The following HPCAL1 variants were observed in gnomAD, a reference collection of about 807,000 sequenced individuals.
HPCAL1 encodes the protein hippocalcin like 1.
Under a neutral mutation model 17.1 loss-of-function variants are expected in HPCAL1, and 8 were observed. The ratio of observed to expected loss-of-function variants is 0.47; its 90% confidence interval spans 0.27 to 0.84. The LOEUF (loss-of-function observed/expected upper bound fraction) is 0.84. HPCAL1 is among the 40% of genes least tolerant of loss of function. The pLI is 0.13. For synonymous variants in HPCAL1, 112 were observed against 111.4 expected, an observed-to-expected ratio of 1.01 and a Z score of -0.03; for missense variants, 165 against 271.1, an observed-to-expected ratio of 0.61 and a Z score of 2.75.
At chr2:10,368,524 T>C (rs756657061) in intron 1 of HPCAL1, among the ~76,000 whole-genome samples, 2 of 152,224 alleles carry the variant, frequency 1.3e-5, no homozygotes, top group Non-Finnish European at 2.9e-5. Context: ...TTTGGGAGCC[T>C]TCTGACTCCC....
intron 4 of HPCAL1, chr2:10,424,214 C>T (rs1011101202): frequency 1.5e-4 from 48 of 322,492 alleles, no homozygotes; most frequent in Admixed American, 1.4e-3. Context: ...ATGGCCCCAG[C>T]GGGAGACGGG....
rs771220308 is a variant in HPCAL1 at position 10,312,322 on chromosome 2, TATC to T, written c.-111+9163_-111+9165del. On this transcript the variant is annotated intron_variant, in intron 1 of 4. Coordinates refer to ENST00000307845, the MANE Select transcript of HPCAL1 (RefSeq NM_002149.4). ...TCCATCACCATCATCATCATCATCATATCATCATCATCATCATCATATCATCCT... is the reference window on the plus strand; with the variant it reads ...TCCATCACCATCATCATCATCATCATATCATCATCATCATCATATCATCCT... Among the ~76,000 whole-genome samples, 27 of 14,062 alleles carry T rather than the reference TATC, an allele frequency of 1.9e-3. No individual in the cohort carries two copies. The South Asian group carries it at 0.067, about 35-fold the overall frequency. 9.2% of individuals were successfully genotyped at this position (14,062 alleles called of 152,430 possible).
chr2:10,326,510 G>T (rs1159885960), intron 1 of HPCAL1, among the ~76,000 whole-genome samples: 1 of 152,206 alleles, frequency 6.6e-6, no homozygotes, highest in Non-Finnish European at 1.5e-5. Flanking sequence ...GCCGCCTGGG[G>T]TGCGTGCTGG....
rs911647240 is a variant in HPCAL1 at position 10,359,379 on chromosome 2, C to G, written c.-110-37456C>G. On this transcript the variant is annotated intron_variant, in intron 1 of 4. Transcript: ENST00000307845. This position sits in a 1 kb window ranked among gnomAD's most constrained non-coding sequence, Gnocchi z 4.1. ...CTCTCACCTCTGTTTTCCCTTCTAGCCCCTGCAGGCAGGAGACTTCAACGC... is the reference window on the plus strand; with the variant it reads ...CTCTCACCTCTGTTTTCCCTTCTAGGCCCTGCAGGCAGGAGACTTCAACGC... 6.6e-6 allele frequency among the ~76,000 whole-genome samples: 1 copy of G among 152,184 alleles called. No individual in the cohort carries two copies. The highest frequency in any genetic ancestry group is 1.5e-5 in the Non-Finnish European group (1 of 68,036).
intron 1 of HPCAL1, among the ~76,000 whole-genome samples, chr2:10,328,568 T>C (rs534630949): frequency 3.3e-4 from 50 of 152,254 alleles, no homozygotes; most frequent in African/African-American, 1.2e-3. Flanking sequence ...CTCTCTCTGC[T>C]TGAGCTGGGA....
At chr2:10,393,983 G>A (rs1357859419) in intron 1 of HPCAL1, among the ~76,000 whole-genome samples, 2 of 151,640 alleles carry the variant, frequency 1.3e-5, no homozygotes, top group Non-Finnish European at 2.9e-5. Context: ...AAAAGATTGG[G>A]GTGCACCTGT....
In HPCAL1 at chr2:10,427,060, G is replaced by T. The variant is rs559872198; in HGVS notation, c.*239G>T. The T allele has an allele frequency of 1.7e-5, 9 of 537,004 alleles. No homozygotes were observed. The East Asian group carries it at 2.6e-4, about 16-fold the overall frequency. The allele number at this position is 537,004 out of a possible 1,614,324, so 33.3% of individuals were successfully genotyped here. A position where few individuals can be genotyped will look rare whatever the true frequency, so the allele number is the denominator to read the frequency against. On this transcript the variant is annotated 3_prime_UTR_variant, in exon 5 of 5. Coordinates refer to ENST00000307845, the MANE Select transcript of HPCAL1 (RefSeq NM_002149.4). ...GCAACTCCCAGGGATGTGGTGACAT[G>T]CAGGGTTCAAGTGTTCTTGGTTCCA...
intron 1 of HPCAL1, among the ~76,000 whole-genome samples, chr2:10,309,449 C>A (rs956057967): frequency 6.6e-6 from 1 of 152,168 alleles, no homozygotes; most frequent in African/African-American, 2.4e-5. Flanking sequence ...TCTCTTCCGC[C>A]CTTGTTTTGG....
chr2:10,399,845 T>G (rs1179856191), intron 2 of HPCAL1, among the ~76,000 whole-genome samples: 1 of 152,136 alleles, frequency 6.6e-6, no homozygotes, highest in East Asian at 1.9e-4. Context: ...CACTCATGCG[T>G]TCCTTCCCTT....
At chr2:10,382,161 G>A (rs1285522403) in intron 1 of HPCAL1, among the ~76,000 whole-genome samples, 4 of 152,236 alleles carry the variant, frequency 2.6e-5, no homozygotes, top group Admixed American at 6.5e-5. Context: ...CTGCATATGA[G>A]TAGGTGAGAG....
At chr2:10,335,110 G>T (rs1002121875) in intron 1 of HPCAL1, among the ~76,000 whole-genome samples, 1 of 152,160 alleles carries the variant, frequency 6.6e-6, no homozygotes, top group Non-Finnish European at 1.5e-5. Context: ...CTAAGATGCC[G>T]CCACTGGTCC....
At position 10,427,022 on chromosome 2, in the gene HPCAL1, G is replaced by A. The variant is rs1202978205; in HGVS notation, c.*201G>A. The stretch of plus-strand genomic sequence containing the variant: ...ACATTCCTCCCCTCACGCCTGGCCC[G>A]GTCCCTTCCAGGGCAACTCCCAGGG... On this transcript the variant is annotated 3_prime_UTR_variant, in exon 5 of 5. Coordinates refer to ENST00000307845, the MANE Select transcript of HPCAL1 (RefSeq NM_002149.4). The A allele has an allele frequency of 1.6e-5, 9 of 579,526 alleles. No individual in the cohort carries two copies. The highest frequency in any genetic ancestry group is 2.9e-5 in the East Asian group (1 of 34,244). 35.9% of individuals were successfully genotyped at this position (579,526 alleles called of 1,614,324 possible). A position where few individuals can be genotyped will look rare whatever the true frequency, so the allele number is the denominator to read the frequency against.
At chr2:10,417,985 T>C (rs1341356770) in intron 2 of HPCAL1, among the ~76,000 whole-genome samples, 1 of 151,962 alleles carries the variant, frequency 6.6e-6, no homozygotes, top group Non-Finnish European at 1.5e-5. Context: ...AAGGCTTCAG[T>C]GAGTCATGAT....
chr2:10,394,849 G>A lies in HPCAL1; in HGVS notation c.-110-1986G>A, dbSNP rs1339802034. Among the ~76,000 whole-genome samples the A allele has an allele frequency of 6.6e-6, 1 of 152,100 alleles. No individual in the cohort carries two copies. Among genetic ancestry groups the A allele is most frequent in the African/African-American group, 2.4e-5 (1 of 41,404 alleles). ...ATTTCACTGTCACCCAGGCTGGAGT[G>A]CAGTGGTGTGATCTCGGCTCACTGC... On this transcript the variant is annotated intron_variant, in intron 1 of 4. Transcript: ENST00000307845. The surrounding 1 kb of genome is among the most constrained non-coding windows in gnomAD (Gnocchi z 5.0).
intron 1 of HPCAL1, among the ~76,000 whole-genome samples, chr2:10,373,487 A>G (rs1667355123): frequency 1.3e-5 from 2 of 152,200 alleles, no homozygotes; most frequent in African/African-American, 4.8e-5. Flanking sequence ...GTGACGAGTG[A>G]CAGAAATGTT....
chr2:10,350,020 G>C (rs1419394658), intron 1 of HPCAL1, among the ~76,000 whole-genome samples: 1 of 152,128 alleles, frequency 6.6e-6, no homozygotes, highest in Non-Finnish European at 1.5e-5. Context: ...ATGCCTAATT[G>C]AACAGCCATC....
At chr2:10,336,349 C>T (rs1054512258) in intron 1 of HPCAL1, among the ~76,000 whole-genome samples, 1 of 152,170 alleles carries the variant, frequency 6.6e-6, no homozygotes, top group African/African-American at 2.4e-5. Flanking sequence ...TTTGTCAGTT[C>T]ATGCTATTTT....
At chr2:10,311,309 C>T (rs1322316694) in intron 1 of HPCAL1, among the ~76,000 whole-genome samples, 1 of 152,208 alleles carries the variant, frequency 6.6e-6, no homozygotes, top group Non-Finnish European at 1.5e-5. Flanking sequence ...GCTGCCGTGG[C>T]TTCTCTGTGT....
At chr2:10,408,286 A>G (rs796216243) in intron 2 of HPCAL1, among the ~76,000 whole-genome samples, 21 of 150,992 alleles carry the variant, frequency 1.4e-4, no homozygotes, top group African/African-American at 4.9e-4. Context: ...CTCTTCTCAT[A>G]TGTTATGTTT....
Sources: allele counts gnomAD v4.1 joint callset (sites outside exome capture counted in the v4.1 genomes callset), GRCh38; gene constraint gnomAD v4.1.1; non-coding constraint Gnocchi (gnomAD v3.1); transcripts MANE v1.5; gene names NCBI Gene and HGNC (gene_info 2026-07-23, HGNC 2026-07-21).